The following DHRSX variants were observed in gnomAD, a reference collection of about 807,000 sequenced individuals.
DHRSX encodes the protein dehydrogenase/reductase X-linked, also known as polyprenol dehydrogenase.
A neutral mutation model predicts 34.0 loss-of-function variants in DHRSX; 31 were observed. The observed-to-expected ratio is 0.91, with a 90% CI of 0.69 to 1.23. The LOEUF (loss-of-function observed/expected upper bound fraction) is 1.23. DHRSX is among the 50% of genes most tolerant of loss of function. DHRSX has a pLI of 0.00. For missense variants in DHRSX, 414 were observed against 428.1 expected (o/e 0.97, Z 0.29); for synonymous variants, 201 against 183.8 (o/e 1.09, Z -0.76).
At chrX:2,284,019 AATTT>A (rs1166298513) in intron 4 of DHRSX, among the ~76,000 whole-genome samples, 3 of 151,888 alleles carry the variant, frequency 2.0e-5, no homozygotes, top group African/African-American at 4.8e-5. Flanking sequence ...CATTCCTCTG[AATTT>A]ATTCATTCCT....
chrX:2,229,540 C>A (rs1281035153), intron 6 of DHRSX, among the ~76,000 whole-genome samples: 1 of 152,138 alleles, frequency 6.6e-6, no homozygotes, highest in Admixed American at 6.5e-5. Context: ...ACACGCAAAT[C>A]ATAGGGTGAC....
chrX:2,466,737 T>A (rs1160977250), intron 1 of DHRSX, among the ~76,000 whole-genome samples: 1 of 151,918 alleles, frequency 6.6e-6, no homozygotes, highest in Non-Finnish European at 1.5e-5. Flanking sequence ...CCCCAAGACA[T>A]GCAATTTACC....
chrX:2,269,929 G>A (rs1455985676), intron 4 of DHRSX, among the ~76,000 whole-genome samples: 1 of 152,056 alleles, frequency 6.6e-6, no homozygotes, highest in African/African-American at 2.4e-5. Context: ...TCTGCATAGC[G>A]TACATCTTTT....
At chrX:2,254,258 T>TA (rs2041245554) in intron 5 of DHRSX, among the ~76,000 whole-genome samples, 1 of 152,220 alleles carries the variant, frequency 6.6e-6, no homozygotes, top group African/African-American at 2.4e-5. Flanking sequence ...ACTGAGTTTT[T>TA]ATGTTAACTT....
chrX:2,397,951 C>CACACACACAT (rs1310422569), intron 3 of DHRSX, among the ~76,000 whole-genome samples: 79 of 149,714 alleles, frequency 5.3e-4, no homozygotes, highest in African/African-American at 1.9e-3. Context: ...CACACACACA[C>CACACACACAT]ACATAGATAC....
At chrX:2,346,798 C>A (rs1280504170) in intron 3 of DHRSX, among the ~76,000 whole-genome samples, 1 of 152,030 alleles carries the variant, frequency 6.6e-6, no homozygotes, top group African/African-American at 2.4e-5. Flanking sequence ...ATCCCTCCCC[C>A]AGTCCCCTAC....
intron 6 of DHRSX, among the ~76,000 whole-genome samples, chrX:2,235,520 G>A (rs1239949736): frequency 4.0e-5 from 6 of 151,654 alleles, no homozygotes; most frequent in Non-Finnish European, 8.8e-5. Flanking sequence ...CGAGGCCGGC[G>A]GATCACAAGG....
chrX:2,352,232 T>A (rs1352186535), intron 3 of DHRSX, among the ~76,000 whole-genome samples: 1 of 151,924 alleles, frequency 6.6e-6, no homozygotes, highest in Non-Finnish European at 1.5e-5. Context: ...ATAAATGGTA[T>A]CCCAAGATGT....
At chrX:2,306,837 AATTT>A (rs2042102971) in intron 3 of DHRSX, among the ~76,000 whole-genome samples, 1 of 151,818 alleles carries the variant, frequency 6.6e-6, no homozygotes, top group African/African-American at 2.4e-5. Context: ...CCTCCGCCTC[AATTT>A]TTTAGAATCG....
chrX:2,260,359 A>G (rs1284571260), intron 5 of DHRSX, among the ~76,000 whole-genome samples: 17 of 147,638 alleles, frequency 1.2e-4, no homozygotes, highest in African/African-American at 3.0e-4. Context: ...TGGGGGCTCC[A>G]GGCATCCCTG....
chrX:2,269,455 C>T (rs958743698), intron 4 of DHRSX, among the ~76,000 whole-genome samples: 3 of 151,916 alleles, frequency 2.0e-5, no homozygotes, highest in Non-Finnish European at 4.4e-5. Flanking sequence ...TATATGTATA[C>T]GTGTATCTGT....
chrX:2,370,441 G>A (rs2043043686), intron 3 of DHRSX, among the ~76,000 whole-genome samples: 1 of 152,018 alleles, frequency 6.6e-6, no homozygotes, highest in South Asian at 2.1e-4. Flanking sequence ...CAAAGTGCTG[G>A]GATGACAGTC....
At chrX:2,261,256 C>CGT (rs1203614155) in intron 5 of DHRSX, 1 of 151,870 alleles carries the variant, frequency 6.6e-6, no homozygotes, top group Non-Finnish European at 1.5e-5. Context: ...TAAGCAATAC[C>CGT]GTCAAAGCCT....
chrX:2,475,216 T>C (rs34282463), intron 1 of DHRSX, among the ~76,000 whole-genome samples: 26,450 of 141,112 alleles, frequency 0.19, 3,654 homozygotes, highest in African/African-American at 0.37. Context: ...AGAATGCAGC[T>C]GGCACTGAAG....
At chrX:2,359,613 T>C (rs1264056290) in intron 3 of DHRSX, among the ~76,000 whole-genome samples, 10 of 151,696 alleles carry the variant, frequency 6.6e-5, no homozygotes, top group Non-Finnish European at 1.3e-4. Flanking sequence ...TGCAGTGAGC[T>C]GAGGCAGAGG....
intron 6 of DHRSX, among the ~76,000 whole-genome samples, chrX:2,227,102 C>G (rs367763485): frequency 1.3e-5 from 2 of 152,138 alleles, no homozygotes; most frequent in East Asian, 1.9e-4. Context: ...GCACCTGCAC[C>G]CCAGCCAGCC....
At chrX:2,330,109 A>G (rs1448116920) in intron 3 of DHRSX, among the ~76,000 whole-genome samples, 2 of 92,090 alleles carry the variant, frequency 2.2e-5, no homozygotes, top group Non-Finnish European at 2.1e-5. Flanking sequence ...AGGGAGAGAG[A>G]GAGAGAGAGA....
intron 3 of DHRSX, among the ~76,000 whole-genome samples, chrX:2,384,434 G>A (rs1348483225): frequency 1.3e-5 from 2 of 152,086 alleles, no homozygotes; most frequent in East Asian, 1.9e-4. Flanking sequence ...GAGATGCTAC[G>A]AGGAAACGCT....
At chrX:2,462,624 A>G (rs2044419031) in intron 1 of DHRSX, among the ~76,000 whole-genome samples, 1 of 152,106 alleles carries the variant, frequency 6.6e-6, no homozygotes, top group African/African-American at 2.4e-5. Flanking sequence ...GGCAATTTCC[A>G]CAAAAGTTAC....
Sources: gnomAD v4.1 joint callset for allele counts (sites outside exome capture counted in the v4.1 genomes callset) on GRCh38, gnomAD v4.1.1 for gene constraint, MANE v1.5 for transcripts, NCBI Gene and HGNC (gene_info 2026-07-23, HGNC 2026-07-21) for gene names.